The following LRRC3B variants were observed in gnomAD, a reference collection of about 807,000 sequenced individuals.
The protein encoded by LRRC3B is leucine-rich repeat-containing protein 3B.
Under a neutral mutation model 12.8 loss-of-function variants are expected in LRRC3B, and 2 were observed. That is an observed-to-expected ratio of 0.16 (90% confidence interval 0.06 to 0.49). LRRC3B has a LOEUF of 0.49. Ranked by LOEUF, LRRC3B falls within the 20% of genes least tolerant of loss-of-function variation. The pLI, the probability that LRRC3B is intolerant of heterozygous loss-of-function variation, is 0.96. For synonymous variants in LRRC3B, 132 were observed against 122.0 expected, an observed-to-expected ratio of 1.08 and a Z score of -0.54; for missense variants, 189 against 319.4, an observed-to-expected ratio of 0.59 and a Z score of 3.11.
intron 1 of LRRC3B, among the ~76,000 whole-genome samples, chr3:26,628,161 A>G (rs1291148567): frequency 6.6e-6 from 1 of 152,216 alleles, no homozygotes; most frequent in Non-Finnish European, 1.5e-5. Flanking sequence ...CTTAAATCAT[A>G]TAAATATGAG....
chr3:26,641,985 A>G (rs1427233573), intron 1 of LRRC3B, among the ~76,000 whole-genome samples: 1 of 152,220 alleles, frequency 6.6e-6, no homozygotes, highest in Non-Finnish European at 1.5e-5. Flanking sequence ...AGGTAAGCCT[A>G]TCACATGTTA....
rs1228848134 is a variant in LRRC3B at position 26,710,059 on chromosome 3, C to T, written c.387C>T (p.His129=). 3 of 1,613,944 alleles carry T rather than the reference C, an allele frequency of 1.9e-6. No homozygotes were observed. In the African/African-American group the frequency reaches 4.0e-5, roughly 22 times the overall value. The change falls in exon 2 of 2, where the codon CAC becomes CAT. Residue 129 remains histidine, a synonymous_variant. Transcript: ENST00000396641. ...CCGACAATCGGATTCAAAGTGTGCACAAAAATGCCTTCAATAACCTGAAGG... is the reference window on the plus strand; with the variant it reads ...CCGACAATCGGATTCAAAGTGTGCATAAAAATGCCTTCAATAACCTGAAGG...
intron 1 of LRRC3B, among the ~76,000 whole-genome samples, chr3:26,632,808 A>C (rs534781958): frequency 6.6e-6 from 1 of 152,154 alleles, no homozygotes; most frequent in Admixed American, 6.5e-5. Context: ...GTCCTTTGTC[A>C]CCTGGCTGTT....
intron 1 of LRRC3B, among the ~76,000 whole-genome samples, chr3:26,671,937 C>G (rs1249815560): frequency 6.6e-6 from 1 of 152,144 alleles, no homozygotes; most frequent in Non-Finnish European, 1.5e-5. Context: ...CGCTTTTGAA[C>G]ACAAGATCTA....
At chr3:26,672,604 C>G (rs977970804) in intron 1 of LRRC3B, among the ~76,000 whole-genome samples, 7 of 152,158 alleles carry the variant, frequency 4.6e-5, no homozygotes, top group Non-Finnish European at 8.8e-5. Context: ...GGGTAATAAC[C>G]ATTTTTATTG....
At chr3:26,623,903 C>G (rs935930912) in intron 1 of LRRC3B, 10 of 152,588 alleles carry the variant, frequency 6.6e-5, no homozygotes, top group African/African-American at 2.4e-4. Context: ...AAAGGCTGCT[C>G]GTGCGGTGGA....
At chr3:26,686,845 C>A (rs1176956099) in intron 1 of LRRC3B, among the ~76,000 whole-genome samples, 1 of 152,210 alleles carries the variant, frequency 6.6e-6, no homozygotes, top group Non-Finnish European at 1.5e-5. Context: ...TCTCAGCCAG[C>A]TCTGGATCTA....
chr3:26,687,737 A>G (rs1420320498), intron 1 of LRRC3B, among the ~76,000 whole-genome samples: 2 of 152,174 alleles, frequency 1.3e-5, no homozygotes, highest in East Asian at 1.9e-4. Context: ...TTGAATTTCA[A>G]CTTCCTTCAT....
chr3:26,685,625 ATATATATATC>A lies in LRRC3B; in HGVS notation c.-160-23881_-160-23872del, dbSNP rs1254291885. Among the ~76,000 whole-genome samples the A allele has an allele frequency of 3.7e-5, 4 of 108,072 alleles. No individual in the cohort carries two copies. In the East Asian group the frequency reaches 9.1e-4, roughly 25 times the overall value. The allele number at this position is 108,072 out of a possible 152,430, so 70.9% of individuals were successfully genotyped here. A position where few individuals can be genotyped will look rare whatever the true frequency, so the allele number is the denominator to read the frequency against. On this transcript the variant is annotated intron_variant, in intron 1 of 1. Coordinates refer to ENST00000396641, the Ensembl canonical transcript of LRRC3B. Reference sequence around the variant, plus strand: ...TATATATGTGTGTGTGTATATATATATATATATATCTATATACCTCATTTTTAAAAACTAC... The same window carrying A: ...TATATATGTGTGTGTGTATATATATATATATACCTCATTTTTAAAAACTAC...
At chr3:26,656,553 C>A (rs769852512) in intron 1 of LRRC3B, among the ~76,000 whole-genome samples, 145 of 152,184 alleles carry the variant, frequency 9.5e-4, no homozygotes, top group Admixed American at 2.4e-3. Flanking sequence ...TTTTGCATTT[C>A]CATTCCACTG....
chr3:26,682,049 T>G (rs767833594), intron 1 of LRRC3B, among the ~76,000 whole-genome samples: 3 of 152,066 alleles, frequency 2.0e-5, no homozygotes, highest in Non-Finnish European at 4.4e-5. Context: ...AAAAATATTC[T>G]TAATAAAATT....
intron 1 of LRRC3B, among the ~76,000 whole-genome samples, chr3:26,691,169 C>G (rs959577978): frequency 7.6e-6 from 1 of 131,472 alleles, no homozygotes; most frequent in African/African-American, 2.8e-5. Context: ...AAACTTTGAC[C>G]TTACATGATC....
intron 1 of LRRC3B, among the ~76,000 whole-genome samples, chr3:26,683,783 A>G (rs990954887): frequency 6.6e-6 from 1 of 152,192 alleles, no homozygotes; most frequent in African/African-American, 2.4e-5. Flanking sequence ...TACCTCCCCT[A>G]ACCTCATTTA....
At chr3:26,648,464 A>G (rs1208528089) in intron 1 of LRRC3B, among the ~76,000 whole-genome samples, 2 of 152,168 alleles carry the variant, frequency 1.3e-5, no homozygotes, top group Non-Finnish European at 2.9e-5. Flanking sequence ...AAAAATTTAA[A>G]TCTCCAGTTT....
Position 26,689,105 on chromosome 3 carries a change from C to T in LRRC3B, c.-160-20408C>T, listed in dbSNP as rs1700141842. 1.3e-5 allele frequency among the ~76,000 whole-genome samples: 2 copies of T among 152,194 alleles called. 1 individual carries two copies. Among genetic ancestry groups the T allele is most frequent in the Non-Finnish European group, 2.9e-5 (2 of 68,050 alleles). On this transcript the variant is annotated intron_variant, in intron 1 of 1. Coordinates refer to ENST00000396641, the Ensembl canonical transcript of LRRC3B. ...CCTAGACTCCAGGGAGTTCCAGCAG[C>T]TGAGCATGAGGAGCCCTTATAGACT... is the stretch of plus-strand genomic sequence containing the variant.
chr3:26,676,353 C>T (rs564537874), intron 1 of LRRC3B, among the ~76,000 whole-genome samples: 7 of 149,852 alleles, frequency 4.7e-5, no homozygotes, highest in South Asian at 2.1e-4. Flanking sequence ...TTTGTCCTTG[C>T]GATAGTTTGC....
chr3:26,630,443 G>C (rs1698732353), intron 1 of LRRC3B, among the ~76,000 whole-genome samples: 1 of 150,346 alleles, frequency 6.7e-6, no homozygotes, highest in Non-Finnish European at 1.5e-5. Context: ...ACTTATAAAA[G>C]AAACCACTGT....
At chr3:26,654,711 C>A (rs934385500) in intron 1 of LRRC3B, among the ~76,000 whole-genome samples, 5 of 152,124 alleles carry the variant, frequency 3.3e-5, no homozygotes. Flanking sequence ...ATCAGAACAT[C>A]AGAATATTCT....
intron 1 of LRRC3B, chr3:26,624,769 G>C (rs1267145493): frequency 1.3e-5 from 2 of 152,352 alleles, no homozygotes; most frequent in Non-Finnish European, 2.9e-5. Flanking sequence ...GCAGCTCCCA[G>C]GTAGATTCTT....
Sources: gnomAD v4.1 joint callset for allele counts (sites outside exome capture counted in the v4.1 genomes callset) on GRCh38, gnomAD v4.1.1 for gene constraint, MANE v1.5 for transcripts, NCBI Gene and HGNC (gene_info 2026-07-23, HGNC 2026-07-21) for gene names.